Variants in PAK4 observed in about 807,000 individuals in gnomAD.
The protein encoded by PAK4 is serine/threonine-protein kinase PAK 4.
Under a neutral mutation model 53.5 loss-of-function variants are expected in PAK4, and 49 were observed. That is an observed-to-expected ratio of 0.92 (90% confidence interval 0.73 to 1.16). The LOEUF is 1.16. Among genes scored for constraint, PAK4 ranks in the 50% most tolerant of loss-of-function variants. PAK4 has a pLI of 0.00. For missense variants in PAK4, 824 were observed against 850.7 expected, an observed-to-expected ratio of 0.97 and a Z score of 0.39; for synonymous variants, 376 against 375.6, an observed-to-expected ratio of 1.00 and a Z score of -0.01.
At chr19:39,129,641 G>A (rs955830419) in intron 1 of PAK4, among the ~76,000 whole-genome samples, 17 of 26,614 alleles carry the variant, frequency 6.4e-4, no homozygotes, top group African/African-American at 2.7e-3. Context: ...CCACCCACCA[G>A]GCTGTTTGGA....
intron 1 of PAK4, among the ~76,000 whole-genome samples, chr19:39,136,065 C>A (rs1266848488): frequency 7.4e-6 from 1 of 134,844 alleles, no homozygotes; most frequent in Non-Finnish European, 1.6e-5. Context: ...TTCCTCGTCA[C>A]CCTTCTTCCT....
At chr19:39,143,349 G>T (rs2073941688) in intron 1 of PAK4, among the ~76,000 whole-genome samples, 1 of 150,968 alleles carries the variant, frequency 6.6e-6, no homozygotes, top group African/African-American at 2.4e-5. Flanking sequence ...CCAGCACTTT[G>T]GGAGGCAAAG....
intron 1 of PAK4, among the ~76,000 whole-genome samples, chr19:39,134,238 G>T (rs1210259144): frequency 6.6e-6 from 1 of 152,198 alleles, no homozygotes; most frequent in Non-Finnish European, 1.5e-5. Flanking sequence ...CCATAGAAAA[G>T]TGCATAAAAT....
chr19:39,152,764 T>C, intron 1 of PAK4, among the ~76,000 whole-genome samples: 1 of 119,308 alleles, frequency 8.4e-6, no homozygotes. Context: ...TTCAATGTTA[T>C]CCACAGTTTC....
chr19:39,180,083 A>T (rs762846211), downstream of PAK4: 2 of 152,218 alleles, frequency 1.3e-5, no homozygotes, highest in Non-Finnish European at 2.9e-5. Context: ...AGCACCAGAG[A>T]CCTCAGCCTG....
intron 1 of PAK4, among the ~76,000 whole-genome samples, chr19:39,159,275 G>A (rs1728452352): frequency 6.6e-6 from 1 of 152,324 alleles, no homozygotes; most frequent in African/African-American, 2.4e-5. Flanking sequence ...GGAGAGACAG[G>A]CCCTGTCCTC....
intron 1 of PAK4, among the ~76,000 whole-genome samples, chr19:39,140,310 A>G (rs2073889087): frequency 6.6e-6 from 1 of 152,118 alleles, no homozygotes; most frequent in Non-Finnish European, 1.5e-5. Context: ...GAGGGGAAGG[A>G]TGCTGATGTC....
chr19:39,158,285 T>C (rs71356841), intron 1 of PAK4, among the ~76,000 whole-genome samples: 35,862 of 152,112 alleles, frequency 0.24, 4,644 homozygotes, highest in East Asian at 0.45. Context: ...CTTCGCTCGC[T>C]GCTGTGTGTT....
At chr19:39,146,868 A>G (rs2074007009) in intron 1 of PAK4, among the ~76,000 whole-genome samples, 1 of 150,820 alleles carries the variant, frequency 6.6e-6, no homozygotes, top group Non-Finnish European at 1.5e-5. Context: ...AGAGAGGGAG[A>G]AAGGGAGAGA....
At chr19:39,165,189 G>GATAATAATAATAATA (rs1171032266) in intron 1 of PAK4, among the ~76,000 whole-genome samples, 4 of 54,736 alleles carry the variant, frequency 7.3e-5, no homozygotes, top group Non-Finnish European at 8.4e-5. Context: ...GGATGATGAT[G>GATAATAATAATAATA]ATGATGATAA....
intron 1 of PAK4, among the ~76,000 whole-genome samples, chr19:39,136,763 C>T (rs2073822754): frequency 6.6e-6 from 1 of 152,076 alleles, no homozygotes; most frequent in Admixed American, 6.5e-5. Context: ...GGTTGACTGA[C>T]TGACTGACTG....
At position 39,161,534 on chromosome 19, in the gene PAK4, C is replaced by T. The variant is rs1002590497; in HGVS notation, c.-22-7998C>T. On this transcript the variant is annotated intron_variant, in intron 1 of 8. Transcript: ENST00000358301. This position sits in a 1 kb window ranked among gnomAD's most constrained non-coding sequence, Gnocchi z 4.5. The stretch of plus-strand genomic sequence containing the variant: ...GCCCCCTTGATTTCCACTGGGCCAT[C>T]ACAGCCTCCTCCTCCCTGGTCCCCC... Among the ~76,000 whole-genome samples the T allele has an allele frequency of 3.3e-5, 5 of 151,930 alleles. No homozygotes were observed. The highest frequency in any genetic ancestry group is 5.9e-5 in the Non-Finnish European group (4 of 67,970).
At chr19:39,147,183 C>A (rs1201103976) in intron 1 of PAK4, among the ~76,000 whole-genome samples, 1 of 152,078 alleles carries the variant, frequency 6.6e-6, no homozygotes, top group East Asian at 1.9e-4. Context: ...CATCCCTAAC[C>A]TCTGGCAACC....
chr19:39,154,974 C>T (rs929359767), intron 1 of PAK4, among the ~76,000 whole-genome samples: 3 of 152,214 alleles, frequency 2.0e-5, no homozygotes, highest in African/African-American at 7.2e-5. Context: ...TGAGAGCAAG[C>T]GCTGGCCTCC....
intron 1 of PAK4, among the ~76,000 whole-genome samples, chr19:39,135,497 G>A (rs920558356): frequency 6.6e-6 from 1 of 151,744 alleles, no homozygotes; most frequent in African/African-American, 2.4e-5. Context: ...CACCACGCAC[G>A]GCTAATTTTG....
chr19:39,173,139 C>G lies in PAK4; in HGVS notation c.426C>G (p.Ser142Arg). 6.5e-7 allele frequency: 1 copy of G among 1,543,976 alleles called. No individual in the cohort carries two copies. The highest frequency in any genetic ancestry group is 8.7e-7 in the Non-Finnish European group (1 of 1,142,918). Residue 142 changes from serine to arginine, a missense_variant, in exon 3 of 9, where the codon AGC becomes AGG. Transcript: ENST00000358301. This position sits in a 1 kb window ranked among gnomAD's most constrained non-coding sequence, Gnocchi z 6.9. ...GCCGAGGCCGGTTCGCCGGTCACAG[C>G]GAGGCGGGTGGCGGCAGTGGTGACA...
Position 39,147,799 on chromosome 19 carries a change from C to CATGTCTTCTG in PAK4, c.-22-21732_-22-21723dup, listed in dbSNP as rs1308916967. On this transcript the variant is annotated intron_variant, in intron 1 of 8. Transcript: ENST00000358301. ...TATCCTCTTCAGTCAAAGGTCTCTT[C>CATGTCTTCTG]ATGTCTTCTGCTCATTTTCTTATTG... Among the ~76,000 whole-genome samples, 18 of 135,222 alleles carry CATGTCTTCTG rather than the reference C, an allele frequency of 1.3e-4. No individual in the cohort carries two copies. In the East Asian group the frequency reaches 3.5e-3, roughly 26 times the overall value. 88.7% of individuals were successfully genotyped at this position (135,222 alleles called of 152,430 possible). A position where few individuals can be genotyped will look rare whatever the true frequency, so the allele number is the denominator to read the frequency against.
chr19:39,144,513 G>A (rs1453196336), intron 1 of PAK4, among the ~76,000 whole-genome samples: 3 of 152,264 alleles, frequency 2.0e-5, no homozygotes, highest in Non-Finnish European at 4.4e-5. Context: ...GTGACCAGCT[G>A]TGGTGCCCCA....
At chr19:39,169,946 C>T (rs1411508982) in intron 2 of PAK4, among the ~76,000 whole-genome samples, 189 bp downstream of exon 3, 1 of 148,232 alleles carries the variant, frequency 6.7e-6, no homozygotes, top group Non-Finnish European at 1.5e-5. Context: ...GCTCCAAGTC[C>T]TAAGAACCCA....
Sources: gnomAD v4.1 joint callset for allele counts (sites outside exome capture counted in the v4.1 genomes callset) on GRCh38, gnomAD v4.1.1 for gene constraint, Gnocchi (gnomAD v3.1) non-coding constraint, MANE v1.5 for transcripts, NCBI Gene and HGNC (gene_info 2026-07-23, HGNC 2026-07-21) for gene names.